The following SEMA3E variants were observed in gnomAD, a reference collection of about 807,000 sequenced individuals.
The protein encoded by SEMA3E is semaphorin-3E.
A neutral mutation model predicts 93.6 loss-of-function variants in SEMA3E; 49 were observed. That is an observed-to-expected ratio of 0.52 (90% confidence interval 0.42 to 0.66). The LOEUF (loss-of-function observed/expected upper bound fraction) is 0.66, where lower values mean the gene tolerates loss of function less well. SEMA3E is among the 30% of genes least tolerant of loss of function. The pLI, the probability that SEMA3E is intolerant of heterozygous loss-of-function variation, is 0.00. For synonymous variants in SEMA3E, 363 were observed against 330.7 expected (o/e 1.10, Z -1.06); for missense variants, 906 against 964.8 (o/e 0.94, Z 0.81).
chr7:83,529,570 A>C (rs1791240244), intron 1 of SEMA3E, among the ~76,000 whole-genome samples: 1 of 152,148 alleles, frequency 6.6e-6, no homozygotes, highest in African/African-American at 2.4e-5. Context: ...AAGAGACTTT[A>C]ATCTTAAAAT....
intron 1 of SEMA3E, among the ~76,000 whole-genome samples, chr7:83,493,327 G>T (rs1790421563): frequency 6.6e-6 from 1 of 151,642 alleles, no homozygotes; most frequent in African/African-American, 2.4e-5. Flanking sequence ...TACAACTTTT[G>T]CTCTGACTCT....
intron 1 of SEMA3E, among the ~76,000 whole-genome samples, chr7:83,579,129 G>T (rs1792468709): frequency 6.6e-6 from 1 of 152,018 alleles, no homozygotes; most frequent in Non-Finnish European, 1.5e-5. Flanking sequence ...GTTGAATTGA[G>T]TAGTTATGTT....
At chr7:83,368,852 A>G (rs1794713790) in intron 16 of SEMA3E, among the ~76,000 whole-genome samples, 2 of 152,224 alleles carry the variant, frequency 1.3e-5, no homozygotes, top group African/African-American at 4.8e-5. Flanking sequence ...CTGGACTAGT[A>G]AGTAAATGAT....
intron 1 of SEMA3E, among the ~76,000 whole-genome samples, chr7:83,625,764 G>C (rs1186904044): frequency 6.6e-6 from 1 of 151,708 alleles, no homozygotes; most frequent in Non-Finnish European, 1.5e-5. Flanking sequence ...TGGGGAGAGA[G>C]GTCATCTTTG....
chr7:83,553,567 G>T (rs980749282), intron 1 of SEMA3E, among the ~76,000 whole-genome samples: 1 of 151,986 alleles, frequency 6.6e-6, no homozygotes, highest in Non-Finnish European at 1.5e-5. Flanking sequence ...TTAATATCTG[G>T]CCTCGGTGAG....
chr7:83,577,060 T>C (rs1792419865), intron 1 of SEMA3E, among the ~76,000 whole-genome samples: 1 of 152,240 alleles, frequency 6.6e-6, no homozygotes, highest in Non-Finnish European at 1.5e-5. Context: ...GTAAGATTTA[T>C]GTTCACTTCA....
chr7:83,386,057 T>G (rs1231114549), intron 15 of SEMA3E, among the ~76,000 whole-genome samples: 1 of 152,126 alleles, frequency 6.6e-6, no homozygotes, highest in East Asian at 1.9e-4. Context: ...GAAGCAGGAT[T>G]ACTCTCTCTT....
At chr7:83,587,127 C>T (rs1280947848) in intron 1 of SEMA3E, among the ~76,000 whole-genome samples, 2 of 152,096 alleles carry the variant, frequency 1.3e-5, no homozygotes, top group African/African-American at 2.4e-5. Flanking sequence ...AATATCATCA[C>T]CTAAAGCAAA....
intron 4 of SEMA3E, among the ~76,000 whole-genome samples, chr7:83,432,674 C>T (rs1788913643): frequency 6.6e-6 from 1 of 152,040 alleles, no homozygotes; most frequent in Non-Finnish European, 1.5e-5. Flanking sequence ...TTTTTCAGAG[C>T]ATTAATTAGT....
Position 83,636,173 on chromosome 7 carries a change from A to G in SEMA3E, c.115+12255T>C, listed in dbSNP as rs542907340. Among the ~76,000 whole-genome samples, 3 of 152,306 alleles carry G rather than the reference A, an allele frequency of 2.0e-5. No individual in the cohort carries two copies. The East Asian group carries it at 5.8e-4, about 29-fold the overall frequency. ...ATACTGTCCTCTGCCACAGCCTCAA[A>G]CTATATCTTTTAATAATTTACAGAT... On this transcript the variant is annotated intron_variant, in intron 1 of 16. Coordinates refer to ENST00000643230, the MANE Select transcript of SEMA3E (RefSeq NM_012431.3).
chr7:83,546,485 G>A (rs1791654142), intron 1 of SEMA3E, among the ~76,000 whole-genome samples: 1 of 151,498 alleles, frequency 6.6e-6, no homozygotes, highest in Non-Finnish European at 1.5e-5. Flanking sequence ...GAACTGGCAA[G>A]GATGGAGAAG....
chr7:83,439,354 T>C (rs1281428417), intron 4 of SEMA3E, among the ~76,000 whole-genome samples: 1 of 152,204 alleles, frequency 6.6e-6, no homozygotes, highest in Non-Finnish European at 1.5e-5. Flanking sequence ...AGCCGATTTG[T>C]TATTCAGCCC....
chr7:83,499,025 C>T (rs973808898), intron 1 of SEMA3E, among the ~76,000 whole-genome samples: 5 of 134,978 alleles, frequency 3.7e-5, no homozygotes, highest in East Asian at 2.0e-4. Context: ...ATAATATAAA[C>T]CTTTTTCTTT....
chr7:83,443,758 A>G (rs1789167175), intron 4 of SEMA3E, among the ~76,000 whole-genome samples: 1 of 152,092 alleles, frequency 6.6e-6, no homozygotes, highest in Non-Finnish European at 1.5e-5. Context: ...ATATTTGAAC[A>G]TACCAGTTTT....
intron 1 of SEMA3E, among the ~76,000 whole-genome samples, chr7:83,542,142 A>G (rs1791549012): frequency 6.6e-6 from 1 of 151,936 alleles, no homozygotes; most frequent in Admixed American, 6.6e-5. Context: ...CAGAAGTTCA[A>G]GATCAGCCTG....
chr7:83,559,509 A>T (rs1270675649), intron 1 of SEMA3E, among the ~76,000 whole-genome samples: 1 of 152,036 alleles, frequency 6.6e-6, no homozygotes, highest in African/African-American at 2.4e-5. Context: ...ATGCAAACTG[A>T]AGCAATAGGA....
At chr7:83,526,610 T>C (rs1011384693) in intron 1 of SEMA3E, among the ~76,000 whole-genome samples, 1 of 152,132 alleles carries the variant, frequency 6.6e-6, no homozygotes, top group African/African-American at 2.4e-5. Context: ...TTTGTGCCTT[T>C]GTGGGATTAA....
intron 4 of SEMA3E, among the ~76,000 whole-genome samples, chr7:83,424,442 A>G (rs1018838766): frequency 6.6e-6 from 1 of 152,134 alleles, no homozygotes; most frequent in African/African-American, 2.4e-5. Flanking sequence ...TTTTAATTAG[A>G]GATAATATGA....
chr7:83,467,869 A>G (rs1789804648), intron 3 of SEMA3E, among the ~76,000 whole-genome samples: 1 of 151,966 alleles, frequency 6.6e-6, no homozygotes, highest in African/African-American at 2.4e-5. Context: ...TCATCAGTAA[A>G]TGAATTTTAT....
Sources: allele counts gnomAD v4.1 joint callset (sites outside exome capture counted in the v4.1 genomes callset), GRCh38; gene constraint gnomAD v4.1.1; transcripts MANE v1.5; gene names NCBI Gene and HGNC (gene_info 2026-07-23, HGNC 2026-07-21).